CBFB: variants seen among roughly 807,000 people sequenced by gnomAD.
CBFB encodes the protein core-binding factor subunit beta, also known as CBF-beta.
CBFB carries 9 observed loss-of-function variants against 30.4 expected under a neutral mutation model. The observed-to-expected ratio is 0.30, with a 90% CI of 0.18 to 0.52. CBFB has a LOEUF of 0.52. Among genes scored for constraint, CBFB ranks in the 20% least tolerant of loss-of-function variants. The pLI, the probability that CBFB is intolerant of heterozygous loss-of-function variation, is 0.97. For synonymous variants in CBFB, 94 were observed against 84.0 expected (o/e 1.12, Z -0.65); for missense variants, 170 against 244.0 (o/e 0.70, Z 2.02).
intron 2 of CBFB, chr16:67,036,369 C>A (rs1333154465): frequency 2.7e-6 from 1 of 365,244 alleles, no homozygotes; most frequent in Non-Finnish European, 5.0e-6. Context: ...AGTGTGAGAT[C>A]CTAACGTCAG....
At chr16:67,029,616 C>T in intron 1 of CBFB, 111 bp from the exon 2 acceptor site, 3 of 1,297,762 alleles carry the variant, frequency 2.3e-6, no homozygotes, top group South Asian at 1.3e-5. Flanking sequence ...CTCGCCGGGG[C>T]GGCCATCGCC....
rs1962177326 is a variant in CBFB at position 67,100,164 on chromosome 16, C to G, written c.*1386C>G. 4.8e-6 allele frequency: 1 copy of G among 210,498 alleles called. No homozygotes were observed. The highest frequency in any genetic ancestry group is 1.9e-4 in the South Asian group (1 of 5,340). The allele number at this position is 210,498 out of a possible 1,614,324, so 13.0% of individuals were successfully genotyped here. A position where few individuals can be genotyped will look rare whatever the true frequency, so the allele number is the denominator to read the frequency against. On this transcript the variant is annotated 3_prime_UTR_variant, in exon 6 of 6. Transcript: ENST00000412916. ...ACATTTATTAAATGTTACTACATTT[C>G]TGAATTTTTGAAAAATGTATTTTAT...
chr16:67,093,378 T>G (rs1230723407), intron 5 of CBFB: 1 of 147,774 alleles, frequency 6.8e-6, no homozygotes, highest in African/African-American at 2.5e-5. Flanking sequence ...GTTTTTTTTT[T>G]TTTTTTTTTT....
intron 4 of CBFB, among the ~76,000 whole-genome samples, chr16:67,068,793 A>G (rs1961134170): frequency 6.6e-6 from 1 of 152,218 alleles, no homozygotes; most frequent in Non-Finnish European, 1.5e-5. Context: ...TAGTTGTTAT[A>G]AATATACTGA....
At chr16:67,064,501 A>G (rs1192254725) in intron 3 of CBFB, among the ~76,000 whole-genome samples, 3 of 151,984 alleles carry the variant, frequency 2.0e-5, no homozygotes, top group African/African-American at 7.2e-5. Context: ...CACCGTGCCC[A>G]GCCCTAAAAT....
intron 5 of CBFB, among the ~76,000 whole-genome samples, chr16:67,083,342 C>G (rs1447059380): frequency 6.6e-6 from 1 of 150,766 alleles, no homozygotes; most frequent in Admixed American, 6.6e-5. Context: ...GTCGCCCAGG[C>G]TGGAGTACAG....
rs1962161657 is a variant in CBFB at position 67,099,644 on chromosome 16, A to G, written c.*866A>G. On this transcript the variant is annotated 3_prime_UTR_variant, in exon 6 of 6. Coordinates refer to ENST00000412916, the MANE Select transcript of CBFB (RefSeq NM_022845.3). ...GAGTTTGGTTGGAGATATTCTCCAT[A>G]GATGATCTTCTACTGAAATGCCTAA... 4.9e-6 allele frequency: 1 copy of G among 203,496 alleles called. No individual in the cohort carries two copies. Among genetic ancestry groups the G allele is most frequent in the African/African-American group, 2.3e-5 (1 of 43,630 alleles). 12.6% of individuals were successfully genotyped at this position (203,496 alleles called of 1,614,324 possible).
intron 3 of CBFB, among the ~76,000 whole-genome samples, chr16:67,041,376 A>G (rs971502925): frequency 6.6e-6 from 1 of 152,206 alleles, no homozygotes; most frequent in African/African-American, 2.4e-5. Context: ...CCAGGGTGGT[A>G]GCAGTAGAGG....
At chr16:67,044,778 T>A (rs1251801772) in intron 3 of CBFB, among the ~76,000 whole-genome samples, 1 of 152,222 alleles carries the variant, frequency 6.6e-6, no homozygotes, top group African/African-American at 2.4e-5. Context: ...TTACAGGACT[T>A]CTTGATGTTA....
At chr16:67,057,293 T>A (rs1960758741) in intron 3 of CBFB, among the ~76,000 whole-genome samples, 1 of 152,358 alleles carries the variant, frequency 6.6e-6, no homozygotes, top group Admixed American at 6.5e-5. Context: ...TCTAGCAGGC[T>A]TTTTAAAGGT....
chr16:67,034,806 C>G (rs1489754645), intron 2 of CBFB, among the ~76,000 whole-genome samples: 2 of 152,180 alleles, frequency 1.3e-5, no homozygotes, highest in African/African-American at 4.8e-5. Flanking sequence ...TCTTTTCTGC[C>G]ACCACTCTGC....
chr16:67,044,433 G>A (rs926796352), intron 3 of CBFB, among the ~76,000 whole-genome samples: 1 of 152,084 alleles, frequency 6.6e-6, no homozygotes, highest in African/African-American at 2.4e-5. Flanking sequence ...GATTTTAATT[G>A]ATAGTCAAAT....
rs570138135 is a variant in CBFB at position 67,076,648 on chromosome 16, A to C, written c.400-5565A>C. Among the ~76,000 whole-genome samples, 50 of 152,314 alleles carry C rather than the reference A, an allele frequency of 3.3e-4. No individual in the cohort carries two copies. The East Asian group carries it at 9.6e-3, about 29-fold the overall frequency. ...AGCAGCACAGAAACTGAAATGCCCA[A>C]AGTCTCAAACTCCTGACCTCAGGTG... On this transcript the variant is annotated intron_variant, in intron 4 of 5. Coordinates refer to ENST00000412916, the MANE Select transcript of CBFB (RefSeq NM_022845.3).
intron 5 of CBFB, among the ~76,000 whole-genome samples, chr16:67,090,078 C>G (rs867288504): frequency 6.6e-6 from 1 of 152,084 alleles, no homozygotes; most frequent in African/African-American, 2.4e-5. Flanking sequence ...TTTAAAACAA[C>G]CAGTAAAGGA....
chr16:67,068,163 A>C (rs1312713095), intron 4 of CBFB, among the ~76,000 whole-genome samples: 1 of 152,184 alleles, frequency 6.6e-6, no homozygotes, highest in African/African-American at 2.4e-5. Context: ...CTGATCCAGG[A>C]ACAACCCCCC....
intron 4 of CBFB, among the ~76,000 whole-genome samples, chr16:67,081,893 T>C (rs907202269): frequency 6.6e-6 from 1 of 150,764 alleles, no homozygotes; most frequent in Non-Finnish European, 1.5e-5. Flanking sequence ...CAATCTCGGC[T>C]CACTGCAACC....
rs369392093 is a variant in CBFB, at chr16:67,091,861, G to GTTGT, written c.496-6826_496-6823dup. Among the ~76,000 whole-genome samples the GTTGT allele has an allele frequency of 4.4e-3, 667 of 151,810 alleles. 5 individuals carry two copies. Among genetic ancestry groups the GTTGT allele is most frequent in the African/African-American group, 0.013 (558 of 41,450 alleles). On this transcript the variant is annotated intron_variant, in intron 5 of 5. Transcript: ENST00000412916. ...CCATCATCTAGGTTTTGTTGTTGTT[G>GTTGT]TTGTTTGTTTGTTTGTTTGTTTGTT...
intron 4 of CBFB, 73 bp from the exon 5 acceptor site, chr16:67,082,140 A>AG (rs1157656703): frequency 3.0e-6 from 4 of 1,311,638 alleles, no homozygotes; most frequent in African/African-American, 1.5e-5. Flanking sequence ...AAAAAAAAAA[A>AG]AAAAACAAAA....
chr16:67,042,816 A>G (rs930619890), intron 3 of CBFB, among the ~76,000 whole-genome samples: 6 of 151,648 alleles, frequency 4.0e-5, no homozygotes, highest in African/African-American at 1.2e-4. Flanking sequence ...CAGCTCTACA[A>G]CCTCTGCCTG....
Sources: allele counts gnomAD v4.1 joint callset (sites outside exome capture counted in the v4.1 genomes callset), GRCh38; gene constraint gnomAD v4.1.1; transcripts MANE v1.5; gene names NCBI Gene and HGNC (gene_info 2026-07-23, HGNC 2026-07-21).